NIPBL: variants seen among roughly 807,000 people sequenced by gnomAD.
The protein encoded by NIPBL is NIPBL cohesin loading factor, also known as nipped-B-like protein.
NIPBL carries 19 observed loss-of-function variants against 321.8 expected under a neutral mutation model. The ratio of observed to expected loss-of-function variants is 0.06; its 90% CI spans 0.04 to 0.09. NIPBL has a LOEUF of 0.09. Ranked by LOEUF, NIPBL falls within the 10% of genes least tolerant of loss-of-function variation. The pLI, the probability that NIPBL is intolerant of heterozygous loss-of-function variation, is 1.00. For synonymous variants in NIPBL, 1,106 were observed against 1,114.1 expected (o/e 0.99, Z 0.14); for missense variants, 2,210 against 3,327.0 (o/e 0.66, Z 8.26).
At chr5:36,912,605 G>T (rs1025681676) in intron 1 of NIPBL, among the ~76,000 whole-genome samples, 6 of 151,162 alleles carry the variant, frequency 4.0e-5, no homozygotes, top group Non-Finnish European at 5.9e-5. Flanking sequence ...GGATTCAAGC[G>T]ATTCTCCTGC....
intron 1 of NIPBL, among the ~76,000 whole-genome samples, chr5:36,895,724 T>G (rs1451584799): frequency 6.6e-6 from 1 of 152,236 alleles, no homozygotes; most frequent in African/African-American, 2.4e-5. Context: ...ATTAAACACC[T>G]TTTTATGTGC....
intron 1 of NIPBL, among the ~76,000 whole-genome samples, chr5:36,947,821 C>A (rs1334298273): frequency 6.6e-6 from 1 of 151,848 alleles, no homozygotes; most frequent in East Asian, 1.9e-4. Context: ...ATATACCCGA[C>A]CCCTAATCAT....
intron 42 of NIPBL, among the ~76,000 whole-genome samples, chr5:37,053,819 G>GT (rs1753813157): frequency 1.3e-5 from 2 of 152,170 alleles, no homozygotes; most frequent in Non-Finnish European, 2.9e-5. Context: ...GCGCTAAGAA[G>GT]TTTAACGAGC....
intron 1 of NIPBL, among the ~76,000 whole-genome samples, chr5:36,895,303 A>C (rs1746649288): frequency 6.6e-6 from 1 of 152,066 alleles, no homozygotes; most frequent in African/African-American, 2.4e-5. Flanking sequence ...TCAGTACTTC[A>C]TTTCTTTTTA....
intron 1 of NIPBL, among the ~76,000 whole-genome samples, chr5:36,878,151 T>G (rs542756345): frequency 4.7e-4 from 71 of 152,356 alleles, no homozygotes; most frequent in Non-Finnish European, 8.7e-4. Flanking sequence ...AAAAAGAAAT[T>G]AAGTTATACT....
At chr5:36,959,790 A>G (rs1470451132) in intron 4 of NIPBL, among the ~76,000 whole-genome samples, 2 of 152,210 alleles carry the variant, frequency 1.3e-5, no homozygotes, top group African/African-American at 4.8e-5. Context: ...TGTGTTTTAT[A>G]CTACATATAC....
intron 18 of NIPBL, among the ~76,000 whole-genome samples, 154 bp from the exon 19 acceptor site, chr5:37,007,854 C>G (rs1192097203): frequency 6.6e-6 from 1 of 151,852 alleles, no homozygotes; most frequent in African/African-American, 2.4e-5. Flanking sequence ...TGAAGGGAAA[C>G]AGAGAAAAGA....
At chr5:36,980,223 CTAAA>C (rs1257604425) in intron 9 of NIPBL, among the ~76,000 whole-genome samples, 1 of 151,638 alleles carries the variant, frequency 6.6e-6, no homozygotes, top group Non-Finnish European at 1.5e-5. Flanking sequence ...TTTCAATTAT[CTAAA>C]TAGTTTTTTC....
chr5:36,924,779 C>T (rs1176954078), intron 1 of NIPBL, among the ~76,000 whole-genome samples: 2 of 152,160 alleles, frequency 1.3e-5, no homozygotes, highest in Non-Finnish European at 2.9e-5. Flanking sequence ...TTTCCTCAGA[C>T]TCTCATCTCA....
chr5:36,995,575 T>C (rs762287549), intron 10 of NIPBL, 47 bp from the exon 11 acceptor site: 1 of 1,427,806 alleles, frequency 7.0e-7, no homozygotes, highest in Non-Finnish European at 9.8e-7. Context: ...ATTTTCCTTT[T>C]ATCTTCAGAT....
intron 8 of NIPBL, among the ~76,000 whole-genome samples, chr5:36,975,162 G>A (rs561524081): frequency 6.6e-6 from 1 of 152,130 alleles, no homozygotes; most frequent in East Asian, 1.9e-4. Flanking sequence ...AAGAGAGTAT[G>A]TGAATGATGT....
chr5:37,036,681 T>G lies in NIPBL; in HGVS notation c.5971+194T>G, dbSNP rs542921572. ...AGATTATATTAAGATTGACTAAGAT[T>G]ATCTAGAGCATTGTAATAAAAGCAT... On this transcript the variant is annotated intron_variant, in intron 33 of 46. Transcript: ENST00000282516. Among the ~76,000 whole-genome samples, 3 of 150,814 alleles carry G rather than the reference T, an allele frequency of 2.0e-5. No individual in the cohort carries two copies. In the South Asian group the frequency reaches 6.3e-4, roughly 32 times the overall value.
At chr5:36,946,736 A>AG (rs1325339997) in intron 1 of NIPBL, among the ~76,000 whole-genome samples, 1 of 152,230 alleles carries the variant, frequency 6.6e-6, no homozygotes, top group Admixed American at 6.5e-5. Flanking sequence ...TAATCACACA[A>AG]GGTGACAATA....
chr5:36,947,819 G>A (rs1336697741), intron 1 of NIPBL, among the ~76,000 whole-genome samples: 3 of 151,610 alleles, frequency 2.0e-5, no homozygotes, highest in Non-Finnish European at 4.4e-5. Flanking sequence ...GCATATACCC[G>A]ACCCCTAATC....
chr5:37,003,355 T>G lies in NIPBL; in HGVS notation c.3855+8T>G, dbSNP rs748069330. The G allele has an allele frequency of 6.6e-7, 1 of 1,504,342 alleles. No individual in the cohort carries two copies. The highest frequency in any genetic ancestry group is 9.3e-7 in the Non-Finnish European group (1 of 1,081,034). 93.2% of individuals were successfully genotyped at this position (1,504,342 alleles called of 1,614,324 possible). A position where few individuals can be genotyped will look rare whatever the true frequency, so the allele number is the denominator to read the frequency against. On this transcript the variant is annotated splice_region_variant and intron_variant, in intron 16 of 46. Coordinates refer to ENST00000282516, the MANE Select transcript of NIPBL (RefSeq NM_133433.4). ...TCCACTTTGTTAAATCATGTAAGTT[T>G]AAGATCCATACTGTTAATTTTACCC...
At position 37,045,380 on chromosome 5, in the gene NIPBL, A is replaced by G. The variant is rs1426264324; in HGVS notation, c.6344-63A>G. 20 of 1,288,576 alleles carry G rather than the reference A, an allele frequency of 1.6e-5. No homozygotes were observed. The Admixed American group carries it at 3.8e-4, about 25-fold the overall frequency. The allele number at this position is 1,288,576 out of a possible 1,614,324, so 79.8% of individuals were successfully genotyped here. On this transcript the variant is annotated intron_variant, in intron 36 of 46. Transcript: ENST00000282516. ...AAAAAAATTGTAATTCATTAGTAGT[A>G]ATTACTTGAACTTAGTAATTCAAAG...
chr5:36,881,943 A>G (rs1745535918), intron 1 of NIPBL, among the ~76,000 whole-genome samples: 1 of 152,034 alleles, frequency 6.6e-6, no homozygotes, highest in African/African-American at 2.4e-5. Flanking sequence ...GTTCAGCTTT[A>G]GAGAGTCATT....
At chr5:37,023,945 C>T (rs1270523295) in intron 29 of NIPBL, among the ~76,000 whole-genome samples, 1 of 151,708 alleles carries the variant, frequency 6.6e-6, no homozygotes, top group African/African-American at 2.4e-5. Flanking sequence ...GCGGGTGAAT[C>T]ACCCAAGGTC....
chr5:36,943,577 T>C (rs1398808568), intron 1 of NIPBL, among the ~76,000 whole-genome samples: 1 of 151,780 alleles, frequency 6.6e-6, no homozygotes, highest in African/African-American at 2.4e-5. Context: ...CAGAACAGTT[T>C]GGGAAGAGGG....
Sources: allele counts gnomAD v4.1 joint callset (sites outside exome capture counted in the v4.1 genomes callset), GRCh38; gene constraint gnomAD v4.1.1; transcripts MANE v1.5; gene names NCBI Gene and HGNC (gene_info 2026-07-23, HGNC 2026-07-21).